The following SPATA13 variants were observed in gnomAD, a reference collection of about 807,000 sequenced individuals.
The protein encoded by SPATA13 is spermatogenesis-associated protein 13.
In SPATA13, 50 loss-of-function variants were observed where a neutral mutation model predicts 104.0. The observed-to-expected ratio is 0.48, with a 90% CI of 0.38 to 0.61. The LOEUF is 0.61. SPATA13 is among the 20% of genes least tolerant of loss of function. The probability of loss-of-function intolerance (pLI) is 0.00; values close to 1 mark genes in which losing one functional copy is unlikely to be tolerated. For synonymous variants in SPATA13, 606 were observed against 667.5 expected (o/e 0.91, Z 1.42); for missense variants, 1,524 against 1,690.6 (o/e 0.90, Z 1.73).
chr13:23,979,958 C>G (rs1227544684), intron 1 of SPATA13: 2 of 152,228 alleles, frequency 1.3e-5, no homozygotes, highest in African/African-American at 4.8e-5. Context: ...TGTCACCTCG[C>G]CCGCACTTTT....
intron 1 of SPATA13, among the ~76,000 whole-genome samples, chr13:24,216,784 C>T (rs1327063590): frequency 6.6e-6 from 1 of 152,204 alleles, no homozygotes; most frequent in Non-Finnish European, 1.5e-5. Flanking sequence ...GGCATGGTGG[C>T]TCATGCCTGT....
At chr13:24,013,354 A>C (rs1876566074) in intron 2 of SPATA13, among the ~76,000 whole-genome samples, 1 of 152,064 alleles carries the variant, frequency 6.6e-6, no homozygotes, top group Non-Finnish European at 1.5e-5. Context: ...CACTGGGCTG[A>C]CGATCCTCTC....
chr13:24,132,311 A>G (rs1881412386), intron 3 of SPATA13, among the ~76,000 whole-genome samples: 1 of 152,230 alleles, frequency 6.6e-6, no homozygotes, highest in South Asian at 2.1e-4. Context: ...GTGAACCTCT[A>G]TTCAGTTGAG....
At chr13:24,079,597 G>T (rs34082142) in intron 3 of SPATA13, among the ~76,000 whole-genome samples, 1 of 152,166 alleles carries the variant, frequency 6.6e-6, no homozygotes, top group Non-Finnish European at 1.5e-5. Context: ...ATACAGGGGG[G>T]TCCTGACGGC....
In SPATA13 at chr13:24,217,715, G is replaced by A. The variant is rs76388747; in HGVS notation, c.-111-5104G>A. Among the ~76,000 whole-genome samples, 174 of 152,316 alleles carry A rather than the reference G, an allele frequency of 1.1e-3. No homozygotes were observed. The East Asian group carries it at 0.028, about 25-fold the overall frequency. ...GCAGGAAGTTGCTACCAGCCCCTGG[G>A]CTGGAGTGGTAAACAAGAGGGCGTG... On this transcript the variant is annotated intron_variant, in intron 1 of 12. Coordinates refer to ENST00000382108, the MANE Select transcript of SPATA13 (RefSeq NM_001166271.3).
chr13:24,147,445 G>C (rs1177347317), intron 3 of SPATA13, among the ~76,000 whole-genome samples: 6 of 152,198 alleles, frequency 3.9e-5, no homozygotes, highest in Non-Finnish European at 2.9e-5. Flanking sequence ...TGCTGGCCAA[G>C]CTTGTCTATC....
chr13:24,286,334 G>C lies in SPATA13; in HGVS notation c.2422G>C (p.Asp808His). 1 of 1,613,430 alleles carries C rather than the reference G, an allele frequency of 6.2e-7. No individual in the cohort carries two copies. The stretch of plus-strand genomic sequence containing the variant: ...CCAGGTTCTGGAAGCCTCCAACAAG[G>C]ACTGGTGGTGGGGCCGCAGTGAAGA... ...VIQVLEASNK[D>H]WWWGRSEDKE... is the part of the protein sequence containing the mutation. The change falls in exon 6 of 13, where the codon GAC (aspartate) becomes CAC (histidine). Residue 808 changes from aspartate (D) to histidine (H), a missense_variant. Transcript: ENST00000382108. This position sits in a 1 kb window ranked among gnomAD's most constrained non-coding sequence, Gnocchi z 4.9.
At chr13:24,145,868 G>A (rs763979117) in intron 3 of SPATA13, among the ~76,000 whole-genome samples, 1 of 152,240 alleles carries the variant, frequency 6.6e-6, no homozygotes, top group Non-Finnish European at 1.5e-5. Context: ...CTGGGGCTTG[G>A]AGGAGAGAGA....
intron 3 of SPATA13, among the ~76,000 whole-genome samples, chr13:24,109,351 T>C (rs1810682): frequency 0.079 from 12,041 of 152,196 alleles, 896 homozygotes; most frequent in African/African-American, 0.2. Context: ...CTTAATCCGG[T>C]CTATCATTGA....
At chr13:24,044,797 A>C (rs980506985) in intron 3 of SPATA13, among the ~76,000 whole-genome samples, 1 of 151,056 alleles carries the variant, frequency 6.6e-6, no homozygotes, top group African/African-American at 2.4e-5. Flanking sequence ...CAGGCACAGA[A>C]GGACAAATAC....
rs147764063 is a variant in SPATA13 at position 24,233,202 on chromosome 13, C to T, written c.1653+8620C>T. ...CAAAAACATTACAGAATTTGAATCA[C>T]AAAAATTAGAGTTAGAAAGATAATT... is the stretch of plus-strand genomic sequence containing the variant. On this transcript the variant is annotated intron_variant, in intron 2 of 12. Transcript: ENST00000382108. Among the ~76,000 whole-genome samples the T allele has an allele frequency of 5.3e-4, 81 of 152,222 alleles. 1 individual carries two copies. The highest frequency in any genetic ancestry group is 1.8e-3 in the African/African-American group (74 of 41,526).
chr13:24,179,264 C>G (rs1373109471), intron 1 of SPATA13, among the ~76,000 whole-genome samples: 1 of 152,126 alleles, frequency 6.6e-6, no homozygotes, highest in Non-Finnish European at 1.5e-5. Flanking sequence ...ATGTGGACAT[C>G]TGTTTTCATT....
chr13:24,169,101 T>C (rs1183099390), intron 1 of SPATA13, among the ~76,000 whole-genome samples: 1 of 152,182 alleles, frequency 6.6e-6, no homozygotes, highest in Non-Finnish European at 1.5e-5. Context: ...CAAGTTAGGA[T>C]TAGCCTGGCA....
At chr13:24,020,803 G>A (rs1409271255) in intron 3 of SPATA13, among the ~76,000 whole-genome samples, 2 of 152,168 alleles carry the variant, frequency 1.3e-5, no homozygotes, top group Non-Finnish European at 2.9e-5. Context: ...CAGCACTTTG[G>A]AAGGCTGAGG....
chr13:24,266,370 G>A (rs1034290288), intron 4 of SPATA13, among the ~76,000 whole-genome samples: 8 of 151,634 alleles, frequency 5.3e-5, no homozygotes, highest in East Asian at 2.0e-4. Flanking sequence ...CTGCAGCCTC[G>A]ATCTCCTGGG....
chr13:24,154,985 GTAGC>G (rs1882217107), intron 3 of SPATA13, among the ~76,000 whole-genome samples: 1 of 152,076 alleles, frequency 6.6e-6, no homozygotes, highest in Non-Finnish European at 1.5e-5. Context: ...AGCCTCCCTT[GTAGC>G]TGGGATTACA....
At chr13:24,049,326 C>A (rs1878256574) in intron 3 of SPATA13, among the ~76,000 whole-genome samples, 1 of 152,208 alleles carries the variant, frequency 6.6e-6, no homozygotes, top group African/African-American at 2.4e-5. Flanking sequence ...TGCACGAATA[C>A]TTACCATTGT....
At chr13:24,192,095 C>G (rs1869792507) in intron 1 of SPATA13, among the ~76,000 whole-genome samples, 1 of 152,164 alleles carries the variant, frequency 6.6e-6, no homozygotes. Context: ...CTACCCCGAT[C>G]TGTGGCTCCA....
rs763447520 is a variant in SPATA13, at chr13:24,297,534, G to A, written c.3382G>A (p.Asp1128Asn). ...RDMLYYKGRL[D>N]MDEMELVDLG... ...CATGCTGTACTACAAGGGCCGGCTG[G>A]ACATGGATGAGATGGAGCTTGTGGA... is the stretch of plus-strand genomic sequence containing the variant. Residue 1128 changes from aspartate to asparagine, a missense_variant, in exon 11 of 13, where the codon GAC becomes AAC. Coordinates refer to ENST00000382108, the MANE Select transcript of SPATA13 (RefSeq NM_001166271.3). The A allele has an allele frequency of 6.2e-7, 1 of 1,614,240 alleles. No individual in the cohort carries two copies. Among genetic ancestry groups the A allele is most frequent in the Non-Finnish European group, 8.5e-7 (1 of 1,180,042 alleles).
Sources: allele counts gnomAD v4.1 joint callset (sites outside exome capture counted in the v4.1 genomes callset), GRCh38; gene constraint gnomAD v4.1.1; non-coding constraint Gnocchi (gnomAD v3.1); transcripts MANE v1.5; gene names NCBI Gene and HGNC (gene_info 2026-07-23, HGNC 2026-07-21).